TMEM132D: variants seen among roughly 807,000 people sequenced by gnomAD.
TMEM132D encodes the protein transmembrane protein 132D, also known as mature OL transmembrane protein.
In TMEM132D, 21 loss-of-function variants were observed where a neutral mutation model predicts 62.3. The observed-to-expected ratio is 0.34, with a 90% confidence interval of 0.24 to 0.49. TMEM132D has a LOEUF of 0.49. Among genes scored for constraint, TMEM132D ranks in the 20% least tolerant of loss-of-function variants. The pLI, the probability that TMEM132D is intolerant of heterozygous loss-of-function variation, is 0.99. For missense variants in TMEM132D, 1,346 were observed against 1,402.8 expected (o/e 0.96, Z 0.65); for synonymous variants, 621 against 575.6 (o/e 1.08, Z -1.13).
At chr12:129,489,986 C>A (rs763385704) in intron 3 of TMEM132D, among the ~76,000 whole-genome samples, 6 of 152,162 alleles carry the variant, frequency 3.9e-5, no homozygotes, top group Non-Finnish European at 7.4e-5. Flanking sequence ...CTTGGGGACA[C>A]AGATTAAATC....
chr12:129,285,526 C>CAAAAAAAAAAAAAAAAAAAAA (rs1555244565), intron 4 of TMEM132D, among the ~76,000 whole-genome samples: 5 of 40,956 alleles, frequency 1.2e-4, no homozygotes, highest in African/African-American at 3.8e-4. Flanking sequence ...GACTGTGTCT[C>CAAAAAAAAAAAAAAAAAAAAA]AAAAAAAAAA....
At position 129,447,613 on chromosome 12, in the gene TMEM132D, C is replaced by T. The variant is rs545307811; in HGVS notation, c.1115+83446G>A. Among the ~76,000 whole-genome samples, 6 of 152,258 alleles carry T rather than the reference C, an allele frequency of 3.9e-5. No homozygotes were observed. The South Asian group carries it at 1.2e-3, about 32-fold the overall frequency. Reference sequence around the variant, plus strand: ...GTAACCAGAATGATGGGAAAAAAAGCTGAAAAGAGGTTAACTTTCTTGCCA... The same window carrying T: ...GTAACCAGAATGATGGGAAAAAAAGTTGAAAAGAGGTTAACTTTCTTGCCA... On this transcript the variant is annotated intron_variant, in intron 3 of 8. Transcript: ENST00000422113.
intron 2 of TMEM132D, among the ~76,000 whole-genome samples, chr12:129,605,587 T>TTTTATATATATA (rs1555221320): frequency 9.3e-6 from 1 of 107,384 alleles, no homozygotes; most frequent in African/African-American, 3.9e-5. Flanking sequence ...AAATTAGGCA[T>TTTTATATATATA]TATATATATA....
chr12:129,626,256 T>A (rs911931447), intron 2 of TMEM132D, among the ~76,000 whole-genome samples: 1 of 152,206 alleles, frequency 6.6e-6, no homozygotes, highest in African/African-American at 2.4e-5. Flanking sequence ...TATTTAATGC[T>A]AACTTGTTTG....
intron 3 of TMEM132D, among the ~76,000 whole-genome samples, chr12:129,511,084 C>G (rs1270356891): frequency 1.3e-5 from 2 of 151,950 alleles, no homozygotes; most frequent in Non-Finnish European, 2.9e-5. Flanking sequence ...TATAGTTGGC[C>G]GAACTTTGAT....
At chr12:129,194,903 G>A (rs903047062) in intron 5 of TMEM132D, among the ~76,000 whole-genome samples, 30 of 152,148 alleles carry the variant, frequency 2.0e-4, no homozygotes, top group Non-Finnish European at 3.7e-4. Context: ...GGCCCTCTCT[G>A]TCCTCATCCA....
At chr12:129,699,089 A>T (rs2137224281) in intron 2 of TMEM132D, among the ~76,000 whole-genome samples, 1 of 152,330 alleles carries the variant, frequency 6.6e-6, no homozygotes, top group African/African-American at 2.4e-5. Context: ...TGTTGAAAAT[A>T]AAACTAAAAC....
intron 2 of TMEM132D, among the ~76,000 whole-genome samples, chr12:129,584,506 C>A (rs561772081): frequency 6.6e-6 from 1 of 152,188 alleles, no homozygotes; most frequent in African/African-American, 2.4e-5. Context: ...TGACTTTAGG[C>A]TCAGCCATGT....
At chr12:129,141,356 G>C (rs1565976728) in intron 5 of TMEM132D, among the ~76,000 whole-genome samples, 1 of 152,150 alleles carries the variant, frequency 6.6e-6, no homozygotes, top group Non-Finnish European at 1.5e-5. Flanking sequence ...CTGTCCATGT[G>C]TTTGTGATCA....
chr12:129,201,534 G>A (rs1019342885), intron 5 of TMEM132D, among the ~76,000 whole-genome samples: 2 of 152,210 alleles, frequency 1.3e-5, no homozygotes, highest in Non-Finnish European at 2.9e-5. Flanking sequence ...CAACCAGTAT[G>A]TTTGGATCCC....
chr12:129,264,550 A>G (rs1880636809), intron 4 of TMEM132D, among the ~76,000 whole-genome samples: 1 of 152,236 alleles, frequency 6.6e-6, no homozygotes, highest in Non-Finnish European at 1.5e-5. Context: ...CATTTGATCC[A>G]GCAAACCCAC....
At chr12:129,694,681 G>A (rs972626708) in intron 2 of TMEM132D, among the ~76,000 whole-genome samples, 10 of 152,106 alleles carry the variant, frequency 6.6e-5, no homozygotes, top group African/African-American at 1.7e-4. Flanking sequence ...CCTCACTTCC[G>A]GTTTCTGTAC....
intron 3 of TMEM132D, among the ~76,000 whole-genome samples, chr12:129,508,846 T>C (rs1188033580): frequency 6.6e-6 from 1 of 152,144 alleles, no homozygotes; most frequent in Non-Finnish European, 1.5e-5. Flanking sequence ...TTCTCCTACG[T>C]AGGGAACTGG....
At chr12:129,234,429 G>C (rs765668056) in intron 4 of TMEM132D, among the ~76,000 whole-genome samples, 1 of 152,238 alleles carries the variant, frequency 6.6e-6, no homozygotes, top group East Asian at 1.9e-4. Context: ...TTTCACACCC[G>C]TTCCAGGAGA....
intron 1 of TMEM132D, among the ~76,000 whole-genome samples, chr12:129,788,548 A>C (rs1871305961): frequency 6.6e-6 from 1 of 152,226 alleles, no homozygotes; most frequent in Admixed American, 6.5e-5. Context: ...GTAGAAGAAA[A>C]ATCAACGTGG....
At chr12:129,384,247 C>T (rs1011013036) in intron 3 of TMEM132D, among the ~76,000 whole-genome samples, 2 of 152,164 alleles carry the variant, frequency 1.3e-5, no homozygotes, top group Non-Finnish European at 2.9e-5. Flanking sequence ...GAAACTTTAA[C>T]AGTGACTTAA....
Position 129,495,231 on chromosome 12 carries a change from T to TAAG in TMEM132D, c.1115+35827_1115+35828insCTT, listed in dbSNP as rs1874916400. On this transcript the variant is annotated intron_variant, in intron 3 of 8. Coordinates refer to ENST00000422113, the MANE Select transcript of TMEM132D (RefSeq NM_133448.3). ...AAGAGATCAAAGCCAATGTTAATAA[T>TAAG]TTCAAGGATATAAGCAACCCATAAG... Among the ~76,000 whole-genome samples the TAAG allele has an allele frequency of 2.0e-5, 3 of 151,694 alleles. No individual in the cohort carries two copies. In the South Asian group the frequency reaches 6.2e-4, roughly 31 times the overall value.
chr12:129,883,745 A>T (rs957606263), intron 1 of TMEM132D, among the ~76,000 whole-genome samples: 2 of 152,222 alleles, frequency 1.3e-5, no homozygotes, highest in African/African-American at 4.8e-5. Flanking sequence ...TATCTACCAT[A>T]TACGGTCAGA....
intron 2 of TMEM132D, among the ~76,000 whole-genome samples, chr12:129,642,454 T>C (rs1430455246): frequency 6.6e-6 from 1 of 152,118 alleles, no homozygotes; most frequent in East Asian, 1.9e-4. Flanking sequence ...GTAAACTCTC[T>C]CCTGCCACCC....
Sources: gnomAD v4.1 joint callset for allele counts (sites outside exome capture counted in the v4.1 genomes callset) on GRCh38, gnomAD v4.1.1 for gene constraint, MANE v1.5 for transcripts, NCBI Gene and HGNC (gene_info 2026-07-23, HGNC 2026-07-21) for gene names.